AMPH: variants seen among roughly 807,000 people sequenced by gnomAD.
The protein encoded by AMPH is amphiphysin.
Under a neutral mutation model 99.1 loss-of-function variants are expected in AMPH, and 49 were observed. The ratio of observed to expected loss-of-function variants is 0.49; its 90% CI spans 0.39 to 0.63. AMPH has a LOEUF of 0.63. Among genes scored for constraint, AMPH ranks in the 20% least tolerant of loss-of-function variants. The pLI is 0.00. For missense variants in AMPH, 759 were observed against 863.4 expected (o/e 0.88, Z 1.52); for synonymous variants, 314 against 317.3 (o/e 0.99, Z 0.11).
rs35166354 is a variant in AMPH, at chr7:38,466,187, T to C, written c.652A>G (p.Lys218Glu). ...NVSSLEAKFHKEIAVLCHKLY... is the reference protein window; with the variant it reads ...NVSSLEAKFHEEIAVLCHKLY... The stretch of plus-strand genomic sequence containing the variant: ...TCATGACTCACCACCGCAATTTCCT[T>C]ATGAAACTTGGCTTCAAGGCTGGAG... Residue 218 changes from lysine to glutamate, a missense_variant, in exon 8 of 21, where the codon AAG becomes GAG. Transcript: ENST00000356264. 1 of 1,602,872 alleles carries C rather than the reference T, an allele frequency of 6.2e-7. No homozygotes were observed. The highest frequency in any genetic ancestry group is 1.4e-5 in the African/African-American group (1 of 73,902).
At chr7:38,540,423 G>C (rs903770323) in intron 1 of AMPH, among the ~76,000 whole-genome samples, 4 of 151,884 alleles carry the variant, frequency 2.6e-5, no homozygotes, top group East Asian at 1.9e-4. Context: ...TTGTGATCTA[G>C]TCCTAAAAGA....
chr7:38,525,665 T>C lies in AMPH; in HGVS notation c.150+9266A>G, dbSNP rs535934799. On this transcript the variant is annotated intron_variant, in intron 2 of 20. Coordinates refer to ENST00000356264, the MANE Select transcript of AMPH (RefSeq NM_001635.4). ...TTACTCCATTTCTGAAATTCTGTCA[T>C]GCCGAAAGAGTCACATAAGTGGAAT... Among the ~76,000 whole-genome samples the C allele has an allele frequency of 2.6e-4, 40 of 152,264 alleles. 1 individual carries two copies. The highest frequency in any genetic ancestry group is 1.4e-3 in the Admixed American group (21 of 15,288).
At chr7:38,467,284 G>A (rs1479030600) in intron 7 of AMPH, among the ~76,000 whole-genome samples, 3 of 152,108 alleles carry the variant, frequency 2.0e-5, no homozygotes, top group Non-Finnish European at 4.4e-5. Context: ...TAGGGCAAAG[G>A]AGAACACTTG....
chr7:38,405,091 A>C (rs1784945851), intron 17 of AMPH, among the ~76,000 whole-genome samples: 2 of 152,224 alleles, frequency 1.3e-5, no homozygotes, highest in Admixed American at 1.3e-4. Flanking sequence ...GCCAGCCAAG[A>C]ATTTTATATC....
intron 1 of AMPH, among the ~76,000 whole-genome samples, chr7:38,536,182 G>C (rs901021117): frequency 1.3e-5 from 2 of 152,158 alleles, no homozygotes; most frequent in African/African-American, 4.8e-5. Flanking sequence ...TAAAGACACA[G>C]CATAGAGTCT....
chr7:38,428,538 T>G, intron 14 of AMPH: 1 of 456,768 alleles, frequency 2.2e-6, no homozygotes, highest in South Asian at 1.5e-5. Context: ...TTCTTCAGCA[T>G]CTGTACTGTC....
chr7:38,473,035 T>C (rs938812889), intron 7 of AMPH, among the ~76,000 whole-genome samples: 1 of 152,168 alleles, frequency 6.6e-6, no homozygotes, highest in Non-Finnish European at 1.5e-5. Flanking sequence ...ACCCAATACA[T>C]ATTAAGGCAA....
chr7:38,598,289 G>GTTGT (rs1554372531), intron 1 of AMPH, among the ~76,000 whole-genome samples: 1 of 151,918 alleles, frequency 6.6e-6, no homozygotes, highest in African/African-American at 2.4e-5. Context: ...TGTTGTTGTT[G>GTTGT]TTGTTTGTTT....
chr7:38,602,779 C>T (rs979017590), intron 1 of AMPH, among the ~76,000 whole-genome samples: 5 of 152,116 alleles, frequency 3.3e-5, no homozygotes, highest in Admixed American at 2.6e-4. Flanking sequence ...TGACGTGACA[C>T]CCTGAAATGA....
intron 1 of AMPH, among the ~76,000 whole-genome samples, chr7:38,626,516 C>T (rs1794247579): frequency 6.6e-6 from 1 of 152,186 alleles, no homozygotes; most frequent in African/African-American, 2.4e-5. Flanking sequence ...AACTGGACCC[C>T]TTCCTTACAC....
chr7:38,615,043 T>G (rs371085727), intron 1 of AMPH, among the ~76,000 whole-genome samples: 4 of 152,294 alleles, frequency 2.6e-5, no homozygotes, highest in African/African-American at 9.6e-5. Flanking sequence ...CTACACTACA[T>G]GACACCTGAC....
chr7:38,490,823 A>G (rs1788690768), intron 5 of AMPH, among the ~76,000 whole-genome samples: 1 of 152,240 alleles, frequency 6.6e-6, no homozygotes, highest in Admixed American at 6.5e-5. Flanking sequence ...CTTCTGTAGA[A>G]TAATAAAAGC....
At position 38,494,628 on chromosome 7, in the gene AMPH, T is replaced by A. The variant is rs1209909698; in HGVS notation, c.206-101A>T. On this transcript the variant is annotated intron_variant, in intron 3 of 20. Transcript: ENST00000356264. ...AGTGAGAGAAAAATATTGTACTTGC[T>A]AAACATTTAAGGAAAAACTATAAAG... 2.0e-5 allele frequency: 20 copies of A among 1,025,364 alleles called. 1 individual carries two copies. The highest frequency in any genetic ancestry group is 2.9e-5 in the Non-Finnish European group (19 of 663,558). 63.5% of individuals were successfully genotyped at this position (1,025,364 alleles called of 1,614,324 possible).
At chr7:38,498,051 C>T (rs558643733) in intron 3 of AMPH, among the ~76,000 whole-genome samples, 1 of 152,292 alleles carries the variant, frequency 6.6e-6, no homozygotes, top group East Asian at 1.9e-4. Context: ...TTACTAATAC[C>T]TCAAACTTCA....
chr7:38,588,190 G>T (rs1326277231), intron 1 of AMPH, among the ~76,000 whole-genome samples: 1 of 152,072 alleles, frequency 6.6e-6, no homozygotes, highest in Non-Finnish European at 1.5e-5. Flanking sequence ...CTGAGCTCAA[G>T]TGATCAGCTG....
At chr7:38,561,171 C>T (rs1229093641) in intron 1 of AMPH, among the ~76,000 whole-genome samples, 1 of 152,208 alleles carries the variant, frequency 6.6e-6, no homozygotes, top group Admixed American at 6.5e-5. Context: ...TGTGAGATCT[C>T]AGCAAGTCAC....
At chr7:38,548,554 A>G (rs998371047) in intron 1 of AMPH, among the ~76,000 whole-genome samples, 1 of 152,082 alleles carries the variant, frequency 6.6e-6, no homozygotes. Context: ...GTAATATCCA[A>G]GGTTCATTGT....
chr7:38,618,042 G>A lies in AMPH; in HGVS notation c.69+13241C>T, dbSNP rs796128636. ...ATGTGTTAGTAACACTGGACATCTC[G>A]TACTATGATCTTGCTTTATTTTTTA... is the stretch of plus-strand genomic sequence containing the variant. On this transcript the variant is annotated intron_variant, in intron 1 of 20. Coordinates refer to ENST00000356264, the MANE Select transcript of AMPH (RefSeq NM_001635.4). 7.9e-5 allele frequency among the ~76,000 whole-genome samples: 12 copies of A among 152,124 alleles called. 1 individual carries two copies. The highest frequency in any genetic ancestry group is 1.9e-4 in the African/African-American group (8 of 41,492).
At chr7:38,390,731 AC>A (rs1163529621) in intron 19 of AMPH, among the ~76,000 whole-genome samples, 1 of 152,182 alleles carries the variant, frequency 6.6e-6, no homozygotes, top group African/African-American at 2.4e-5. Flanking sequence ...AGGTTATTCT[AC>A]AGTTAGTGAG....
Sources: allele counts gnomAD v4.1 joint callset (sites outside exome capture counted in the v4.1 genomes callset), GRCh38; gene constraint gnomAD v4.1.1; transcripts MANE v1.5; gene names NCBI Gene and HGNC (gene_info 2026-07-23, HGNC 2026-07-21).